MEIS2: variants seen among roughly 807,000 people sequenced by gnomAD.
MEIS2 encodes the protein homeobox protein Meis2.
MEIS2 carries 9 observed loss-of-function variants against 58.6 expected under a neutral mutation model. That is an observed-to-expected ratio of 0.15 (90% CI 0.09 to 0.27). MEIS2 has a LOEUF of 0.27. Among genes scored for constraint, MEIS2 ranks in the 10% least tolerant of loss-of-function variants. MEIS2 has a pLI of 1.00. For synonymous variants in MEIS2, 221 were observed against 228.4 expected, an observed-to-expected ratio of 0.97 and a Z score of 0.29; for missense variants, 427 against 635.0, an observed-to-expected ratio of 0.67 and a Z score of 3.52.
chr15:37,006,665 T>A (rs938562536), intron 8 of MEIS2, among the ~76,000 whole-genome samples: 2 of 152,254 alleles, frequency 1.3e-5, no homozygotes, highest in African/African-American at 4.8e-5. Context: ...CTCTTACAAC[T>A]GACGTAGCTC....
chr15:37,092,969 G>T (rs938340265), intron 6 of MEIS2, among the ~76,000 whole-genome samples: 1 of 151,638 alleles, frequency 6.6e-6, no homozygotes, highest in Non-Finnish European at 1.5e-5. Flanking sequence ...GTTCATCAAG[G>T]TTACTGTCTT....
At chr15:36,934,841 C>G (rs2058104660) in intron 9 of MEIS2, among the ~76,000 whole-genome samples, 3 of 152,164 alleles carry the variant, frequency 2.0e-5, no homozygotes. Flanking sequence ...AATAAAATAA[C>G]CACTCCCATA....
chr15:37,080,035 AT>A lies in MEIS2; in HGVS notation c.754+3735del, dbSNP rs1237761959. On this transcript the variant is annotated intron_variant, in intron 7 of 11. Transcript: ENST00000561208. ...TACAAAATGAATTTTACAAAAATGA[AT>A]TGTAAGGAAGGCCCCATTACAACGA... 1.5e-4 allele frequency among the ~76,000 whole-genome samples: 23 copies of A among 152,292 alleles called. No homozygotes were observed. In the South Asian group the frequency reaches 2.5e-3, roughly 16 times the overall value.
chr15:37,097,442 T>G (rs1463590433), intron 2 of MEIS2: 2 of 152,810 alleles, frequency 1.3e-5, no homozygotes, highest in African/African-American at 4.8e-5. Context: ...CTGCCCCCTT[T>G]ATTTACAGAG....
At chr15:37,013,222 A>C (rs1290793773) in intron 8 of MEIS2, among the ~76,000 whole-genome samples, 5 of 152,110 alleles carry the variant, frequency 3.3e-5, no homozygotes, top group African/African-American at 1.2e-4. Flanking sequence ...GAAACGAGAG[A>C]GAAAGGATCT....
intron 9 of MEIS2, among the ~76,000 whole-genome samples, chr15:36,910,031 C>T (rs2056929973): frequency 6.6e-6 from 1 of 151,926 alleles, no homozygotes; most frequent in Non-Finnish European, 1.5e-5. Flanking sequence ...GATGAAGCCC[C>T]ATCTCTACGA....
chr15:37,018,537 C>A (rs1252839924), intron 8 of MEIS2, among the ~76,000 whole-genome samples: 1 of 152,116 alleles, frequency 6.6e-6, no homozygotes, highest in African/African-American at 2.4e-5. Flanking sequence ...CAAATTATTT[C>A]ATTTATATAA....
chr15:36,930,250 A>G (rs2057922361), intron 9 of MEIS2, among the ~76,000 whole-genome samples: 1 of 151,124 alleles, frequency 6.6e-6, no homozygotes, highest in African/African-American at 2.4e-5. Context: ...AAAGTTATCC[A>G]CAGAGAATAA....
chr15:36,926,330 G>A (rs1162540188), intron 9 of MEIS2, among the ~76,000 whole-genome samples: 1 of 149,518 alleles, frequency 6.7e-6, no homozygotes, highest in Non-Finnish European at 1.5e-5. Context: ...TTATGGAATG[G>A]TTTTACCTTT....
intron 9 of MEIS2, among the ~76,000 whole-genome samples, chr15:36,913,560 C>A (rs886825910): frequency 3.9e-5 from 6 of 152,194 alleles, no homozygotes; most frequent in African/African-American, 1.4e-4. Context: ...TCCTTAAAGT[C>A]CTATGGGAAA....
rs1043374099 is a variant in MEIS2, at chr15:36,896,512, A to T, written c.1036+116T>A. The stretch of plus-strand genomic sequence containing the variant: ...TGGGATTCTGGGGACATTAAAAAAA[A>T]AAATCCAGAATGCCTGGTGGAAGCA... On this transcript the variant is annotated intron_variant, in intron 10 of 11. Transcript: ENST00000561208. 6.2e-6 allele frequency: 5 copies of T among 805,934 alleles called. No individual in the cohort carries two copies. In the Admixed American group the frequency reaches 1.1e-4, roughly 18 times the overall value. 49.9% of individuals were successfully genotyped at this position (805,934 alleles called of 1,614,324 possible).
intron 8 of MEIS2, among the ~76,000 whole-genome samples, chr15:37,026,752 T>C (rs1411094577): frequency 6.6e-6 from 1 of 152,194 alleles, no homozygotes. Context: ...CATGACAATA[T>C]CTCTTGAGTT....
chr15:36,999,310 G>A (rs898076444), intron 8 of MEIS2, among the ~76,000 whole-genome samples: 4 of 152,146 alleles, frequency 2.6e-5, no homozygotes, highest in African/African-American at 7.2e-5. Context: ...TGGTCATCAC[G>A]ACAACCTTGT....
intron 8 of MEIS2, among the ~76,000 whole-genome samples, chr15:36,966,266 A>AGG (rs150636450): frequency 6.6e-6 from 1 of 152,174 alleles, no homozygotes. Flanking sequence ...TAGGGGGAGA[A>AGG]GGGGGAAGTA....
intron 8 of MEIS2, among the ~76,000 whole-genome samples, chr15:36,960,507 C>T (rs1451559068): frequency 3.3e-5 from 5 of 152,040 alleles, no homozygotes; most frequent in African/African-American, 7.2e-5. Context: ...GGCTAGGAAA[C>T]ACAACCCCTT....
chr15:36,892,332 C>T lies in MEIS2; in HGVS notation c.1275G>A (p.Met425Ile). The change falls in exon 12 of 12, where the codon ATG becomes ATA. Residue 425 changes from methionine to isoleucine, a missense_variant. This residue lies in a region of MEIS2 where 154 missense variants were observed against 148.1 expected (regional missense o/e 1.04). Transcript: ENST00000561208. ...GGGGATGGCTTGGCAAATATGAATG[C>T]ATTGGGGGTCCATGTCTTAATTGAG... ...HPTQLRHGPPMHSYLPSHPHH... is the reference protein window; with the variant it reads ...HPTQLRHGPPIHSYLPSHPHH... 6.8e-6 allele frequency: 11 copies of T among 1,613,690 alleles called. 1 individual carries two copies. The highest frequency in any genetic ancestry group is 9.3e-6 in the Non-Finnish European group (11 of 1,179,908).
chr15:37,017,700 A>G (rs773499996), intron 8 of MEIS2, among the ~76,000 whole-genome samples: 3 of 152,190 alleles, frequency 2.0e-5, no homozygotes, highest in Non-Finnish European at 4.4e-5. Context: ...GACCAACCAC[A>G]GCAGGGAAGG....
rs549584794 is a variant in MEIS2, at chr15:37,037,067, G to C, written c.755-108C>G. ...GCTTGTTGAAAGAAATCCATTAAGCGAGTATATTCTCTTTCATTAAAGTAT... is the reference window on the plus strand; with the variant it reads ...GCTTGTTGAAAGAAATCCATTAAGCCAGTATATTCTCTTTCATTAAAGTAT... On this transcript the variant is annotated intron_variant, in intron 7 of 11. Coordinates refer to ENST00000561208, the MANE Select transcript of MEIS2 (RefSeq NM_170675.5). 2.8e-6 allele frequency: 3 copies of C among 1,063,050 alleles called. No individual in the cohort carries two copies. In the East Asian group the frequency reaches 7.8e-5, roughly 28 times the overall value. The allele number at this position is 1,063,050 out of a possible 1,614,324, so 65.9% of individuals were successfully genotyped here.
chr15:36,911,604 A>G (rs902770496), intron 9 of MEIS2, among the ~76,000 whole-genome samples: 6 of 152,306 alleles, frequency 3.9e-5, no homozygotes, highest in Admixed American at 6.5e-5. Context: ...ACAAGTACAA[A>G]ATCAGCTTTT....
Sources: allele counts gnomAD v4.1 joint callset (sites outside exome capture counted in the v4.1 genomes callset), GRCh38; gene constraint gnomAD v4.1.1; regional missense constraint gnomAD v4.1.1; transcripts MANE v1.5; gene names NCBI Gene and HGNC (gene_info 2026-07-23, HGNC 2026-07-21).